The following ARID2 variants were observed in gnomAD, a reference collection of about 807,000 sequenced individuals.
ARID2 encodes the protein AT-rich interaction domain 2, also known as AT-rich interactive domain-containing protein 2.
In ARID2, 32 loss-of-function variants were observed where a neutral mutation model predicts 184.6. The ratio of observed to expected loss-of-function variants is 0.17; its 90% CI spans 0.13 to 0.23. The LOEUF is 0.23. Among genes scored for constraint, ARID2 ranks in the 10% least tolerant of loss-of-function variants. The pLI is 1.00. For missense variants in ARID2, 1,696 were observed against 2,197.6 expected, an observed-to-expected ratio of 0.77 and a Z score of 4.56; for synonymous variants, 836 against 772.6, an observed-to-expected ratio of 1.08 and a Z score of -1.36.
chr12:45,851,677 C>A lies in ARID2; in HGVS notation c.3554C>A (p.Ala1185Glu), dbSNP rs775170616. The part of the protein sequence containing the change: ...TVVPNTSFAP[A>E]TVSQGNATQL... ...GTGCCAAATACGAGTTTTGCACCTG[C>A]AACTGTGAGTCAGGGAAATGCAACT... The change falls in exon 15 of 21, where the codon GCA (alanine) becomes GAA (glutamate). Residue 1185 changes from alanine to glutamate, a missense_variant. Coordinates refer to ENST00000334344, the MANE Select transcript of ARID2 (RefSeq NM_152641.4). 2 of 1,614,018 alleles carry A rather than the reference C, an allele frequency of 1.2e-6. No homozygotes were observed. The highest frequency in any genetic ancestry group is 1.7e-6 in the Non-Finnish European group (2 of 1,180,022).
intron 3 of ARID2, among the ~76,000 whole-genome samples, chr12:45,765,445 A>G (rs1214476789): frequency 6.6e-6 from 1 of 151,818 alleles, no homozygotes; most frequent in Non-Finnish European, 1.5e-5. Flanking sequence ...TCCTGGGCTC[A>G]AGTGATCCTC....
At chr12:45,791,743 G>C (rs1297813618) in intron 3 of ARID2, among the ~76,000 whole-genome samples, 3 of 152,118 alleles carry the variant, frequency 2.0e-5, no homozygotes, top group Non-Finnish European at 4.4e-5. Flanking sequence ...TCACAGGCGT[G>C]CATCACTGTG....
chr12:45,759,863 G>T (rs1177700531), intron 3 of ARID2, among the ~76,000 whole-genome samples: 1 of 152,050 alleles, frequency 6.6e-6, no homozygotes, highest in African/African-American at 2.4e-5. Context: ...TGGCCTAAGT[G>T]CATATAAAAA....
rs76880348 is a variant in ARID2 at position 45,803,243 on chromosome 12, A to G, written c.285-8175A>G. 8.8e-3 allele frequency among the ~76,000 whole-genome samples: 1,338 copies of G among 152,314 alleles called. 17 individuals are homozygous for G. The highest frequency in any genetic ancestry group is 0.031 in the African/African-American group (1,274 of 41,568). On this transcript the variant is annotated intron_variant, in intron 3 of 20. Transcript: ENST00000334344. Reference sequence around the variant, plus strand: ...GAAACATCTGTACTTGAATTCAGCTATATAGAAACCTCCCACACAGTGTAA... The same window carrying G: ...GAAACATCTGTACTTGAATTCAGCTGTATAGAAACCTCCCACACAGTGTAA...
chr12:45,832,098 G>T (rs1251074908), intron 6 of ARID2, among the ~76,000 whole-genome samples: 1 of 152,084 alleles, frequency 6.6e-6, no homozygotes, highest in East Asian at 1.9e-4. Context: ...GGAAATTAAT[G>T]ATGTAGTTGA....
At chr12:45,895,880 T>C (rs1012349673) in intron 20 of ARID2, among the ~76,000 whole-genome samples, 4 of 151,990 alleles carry the variant, frequency 2.6e-5, no homozygotes, top group Non-Finnish European at 4.4e-5. Context: ...TACTTAGGAG[T>C]TGTCTTAACC....
rs150136669 is a variant in ARID2, at chr12:45,852,423, G to T, written c.4300G>T (p.Ala1434Ser). Residue 1434 changes from alanine (A) to serine (S), a missense_variant, in exon 15 of 21, where the codon GCT (alanine) becomes TCT (serine). Coordinates refer to ENST00000334344, the MANE Select transcript of ARID2 (RefSeq NM_152641.4). Reference protein sequence around the residue: ...GGSSVSSIQEASNAATQQFSG... With the variant: ...GGSSVSSIQESSNAATQQFSG... ...TTCATCTGTGAGCAGTATACAGGAG[G>T]CTTCAAATGCGGCAACACAGCAATT... The T allele has an allele frequency of 2.4e-3, 3,857 of 1,614,122 alleles. 146 individuals are homozygous for T. In the East Asian group the frequency reaches 0.068, roughly 28 times the overall value.
At chr12:45,790,831 C>T (rs1347033021) in intron 3 of ARID2, among the ~76,000 whole-genome samples, 2 of 152,126 alleles carry the variant, frequency 1.3e-5, no homozygotes, top group Admixed American at 1.3e-4. Flanking sequence ...AAACTTCCAT[C>T]ATTTAGATAT....
intron 3 of ARID2, among the ~76,000 whole-genome samples, chr12:45,788,341 G>A (rs1000172394): frequency 1.3e-5 from 2 of 152,024 alleles, no homozygotes; most frequent in African/African-American, 4.8e-5. Context: ...TTTACATTGA[G>A]GATTAGATAA....
chr12:45,757,001 C>A (rs1321360515), intron 3 of ARID2, among the ~76,000 whole-genome samples: 1 of 152,156 alleles, frequency 6.6e-6, no homozygotes, highest in African/African-American at 2.4e-5. Context: ...CCTTGCAATG[C>A]AAGGAGTATT....
In ARID2 at chr12:45,852,916, C is replaced by T. The variant is rs1943583479; in HGVS notation, c.4773+20C>T. The T allele has an allele frequency of 6.5e-7, 1 of 1,528,094 alleles. No individual in the cohort carries two copies. Among genetic ancestry groups the T allele is most frequent in the African/African-American group, 1.4e-5 (1 of 72,310 alleles). The allele number at this position is 1,528,094 out of a possible 1,614,324, so 94.7% of individuals were successfully genotyped here. A position where few individuals can be genotyped will look rare whatever the true frequency, so the allele number is the denominator to read the frequency against. ...CCGCAGGTAAGTTATTCCATGATCA[C>T]ATTTCTCTTATGAAATTTCTGATCT... On this transcript the variant is annotated intron_variant, in intron 15 of 20. Transcript: ENST00000334344.
Position 45,837,489 on chromosome 12 carries a change from GT to G in ARID2, c.1121-4del. Reference sequence around the variant, plus strand: ...ATTTCTTAGTAATACATATTTGTATGTTTTTCAGGCATGGAAATTTTGGGAA... The same window carrying G: ...ATTTCTTAGTAATACATATTTGTATGTTTTCAGGCATGGAAATTTTGGGAA... On this transcript the variant is annotated splice_polypyrimidine_tract_variant and splice_region_variant and intron_variant, in intron 9 of 20. Coordinates refer to ENST00000334344, the MANE Select transcript of ARID2 (RefSeq NM_152641.4). 1 of 1,613,624 alleles carries G rather than the reference GT, an allele frequency of 6.2e-7. No homozygotes were observed. The highest frequency in any genetic ancestry group is 8.5e-7 in the Non-Finnish European group (1 of 1,179,702).
chr12:45,839,459 G>A lies in ARID2; in HGVS notation c.1461G>A (p.Glu487=), dbSNP rs1334370889. The change falls in exon 11 of 21, where the codon GAG becomes GAA. Residue 487 remains glutamate, a synonymous_variant. Coordinates refer to ENST00000334344, the MANE Select transcript of ARID2 (RefSeq NM_152641.4). ...MLSEIRPQAI[E]QVQTQTHVAS... is the part of the protein sequence containing the mutation. ...CTGAAATTAGGCCACAAGCTATAGA[G>A]CAAGTCCAAACCCAGACTCATGTAG... 1 of 1,613,926 alleles carries A rather than the reference G, an allele frequency of 6.2e-7. No individual in the cohort carries two copies. The highest frequency in any genetic ancestry group is 1.7e-5 in the Admixed American group (1 of 59,970).
intron 3 of ARID2, among the ~76,000 whole-genome samples, chr12:45,736,824 T>G (rs184502847): frequency 8.5e-5 from 13 of 152,338 alleles, no homozygotes; most frequent in Non-Finnish European, 1.6e-4. Context: ...GAGACTTTAT[T>G]TTGCTAATGT....
intron 20 of ARID2, among the ~76,000 whole-genome samples, chr12:45,900,279 C>T (rs1944441609): frequency 6.6e-6 from 1 of 151,976 alleles, no homozygotes; most frequent in African/African-American, 2.4e-5. Context: ...CAGGCTGGTC[C>T]TCAATTCCTG....
At chr12:45,748,476 T>C (rs1283141606) in intron 3 of ARID2, among the ~76,000 whole-genome samples, 1 of 152,242 alleles carries the variant, frequency 6.6e-6, no homozygotes, top group Non-Finnish European at 1.5e-5. Flanking sequence ...ATCTTTTTAC[T>C]GGTGAAAGGT....
intron 16 of ARID2, among the ~76,000 whole-genome samples, chr12:45,887,811 C>T (rs1944220104): frequency 6.6e-6 from 1 of 152,142 alleles, no homozygotes. Flanking sequence ...GTCAGGGATT[C>T]TCTGAGGAGC....
At chr12:45,794,087 C>T (rs1942343983) in intron 3 of ARID2, among the ~76,000 whole-genome samples, 1 of 152,144 alleles carries the variant, frequency 6.6e-6, no homozygotes, top group South Asian at 2.1e-4. Flanking sequence ...CCAAGACCCC[C>T]AGTAGATACC....
At chr12:45,848,640 T>C (rs1375072374) in intron 12 of ARID2, among the ~76,000 whole-genome samples, 196 bp from the exon 13 acceptor site, 2 of 152,132 alleles carry the variant, frequency 1.3e-5, no homozygotes, top group East Asian at 3.8e-4. Context: ...TTTTTAATAC[T>C]AAAATAAGCA....
Sources: gnomAD v4.1 joint callset for allele counts (sites outside exome capture counted in the v4.1 genomes callset) on GRCh38, gnomAD v4.1.1 for gene constraint, MANE v1.5 for transcripts, NCBI Gene and HGNC (gene_info 2026-07-23, HGNC 2026-07-21) for gene names.